The following MAGI2 variants were observed in gnomAD, a reference collection of about 807,000 sequenced individuals.
MAGI2 encodes the protein membrane associated guanylate kinase, WW and PDZ domain containing 2, also known as membrane-associated guanylate kinase, WW and PDZ domain-containing protein 2.
A neutral mutation model predicts 133.3 loss-of-function variants in MAGI2; 35 were observed. The ratio of observed to expected loss-of-function variants is 0.26; its 90% CI spans 0.20 to 0.35. The LOEUF is 0.35. MAGI2 is among the 10% of genes least tolerant of loss of function. The pLI, the probability that MAGI2 is intolerant of heterozygous loss-of-function variation, is 1.00. For missense variants in MAGI2, 1,636 were observed against 1,863.4 expected (o/e 0.88, Z 2.25); for synonymous variants, 729 against 710.6 (o/e 1.03, Z -0.41).
chr7:78,831,880 A>C (rs1400731896), intron 2 of MAGI2, among the ~76,000 whole-genome samples: 1 of 152,174 alleles, frequency 6.6e-6, no homozygotes, highest in East Asian at 1.9e-4. Context: ...GAGAGTTATA[A>C]TTTTCATGTG....
intron 3 of MAGI2, among the ~76,000 whole-genome samples, chr7:78,529,678 T>TTTTG: frequency 3.2e-5 from 2 of 63,360 alleles, no homozygotes; most frequent in Non-Finnish European, 6.4e-5. Context: ...GTTTTTTTTT[T>TTTTG]TTTTTTTTTT....
At chr7:78,341,407 C>G (rs981702130) in intron 9 of MAGI2, among the ~76,000 whole-genome samples, 1 of 152,128 alleles carries the variant, frequency 6.6e-6, no homozygotes, top group Admixed American at 6.5e-5. Context: ...AGATTTAATG[C>G]TATCCCCATC....
intron 1 of MAGI2, among the ~76,000 whole-genome samples, chr7:79,150,893 T>C (rs1335755145): frequency 6.6e-6 from 1 of 152,130 alleles, no homozygotes. Context: ...AGTTGACTAA[T>C]AAAATATCTT....
At chr7:78,200,025 A>T (rs939309501) in intron 11 of MAGI2, among the ~76,000 whole-genome samples, 3 of 152,246 alleles carry the variant, frequency 2.0e-5, no homozygotes, top group African/African-American at 7.2e-5. Context: ...ATTGGTTAAG[A>T]TAAACCAAAT....
At chr7:78,502,889 T>G (rs1043223684) in intron 4 of MAGI2, among the ~76,000 whole-genome samples, 1 of 152,116 alleles carries the variant, frequency 6.6e-6, no homozygotes, top group African/African-American at 2.4e-5. Flanking sequence ...AGAAGAAAAT[T>G]TATCTAAGAT....
intron 6 of MAGI2, among the ~76,000 whole-genome samples, chr7:78,458,570 C>A (rs73150309): frequency 0.21 from 31,434 of 151,288 alleles, 3,404 homozygotes; most frequent in Middle Eastern, 0.29. Context: ...AATTATGTTA[C>A]ATGAGTAACA....
chr7:79,062,958 T>C (rs1407750591), intron 1 of MAGI2, among the ~76,000 whole-genome samples: 2 of 152,264 alleles, frequency 1.3e-5, no homozygotes, highest in African/African-American at 4.8e-5. Context: ...ACTATTTTTT[T>C]GCTTGTTTTA....
chr7:78,578,013 G>A (rs1452782231), intron 3 of MAGI2, among the ~76,000 whole-genome samples: 7 of 147,352 alleles, frequency 4.8e-5, no homozygotes, highest in African/African-American at 1.8e-4. Flanking sequence ...ATGAAAACCA[G>A]TTATCACTGT....
At chr7:78,686,886 C>T (rs1469326854) in intron 2 of MAGI2, among the ~76,000 whole-genome samples, 1 of 152,120 alleles carries the variant, frequency 6.6e-6, no homozygotes, top group Non-Finnish European at 1.5e-5. Flanking sequence ...GAAACATTCC[C>T]CTTCAGAGGT....
chr7:78,893,910 C>A (rs1796987080), intron 2 of MAGI2, among the ~76,000 whole-genome samples: 1 of 152,048 alleles, frequency 6.6e-6, no homozygotes, highest in Non-Finnish European at 1.5e-5. Flanking sequence ...AATCACTTTT[C>A]TTAGGTAATA....
Position 78,438,551 on chromosome 7 carries a change from G to A in MAGI2, c.1045+51210C>T, listed in dbSNP as rs533706550. Among the ~76,000 whole-genome samples, 7 of 152,224 alleles carry A rather than the reference G, an allele frequency of 4.6e-5. No individual in the cohort carries two copies. In the East Asian group the frequency reaches 9.7e-4, roughly 21 times the overall value. ...TGTGTGCTGCGGTTCCTTTATGAGC[G>A]TGCTGTTTTACGGTGGAGATGCTAG... is the stretch of plus-strand genomic sequence containing the variant. On this transcript the variant is annotated intron_variant, in intron 6 of 21. Transcript: ENST00000354212.
chr7:78,449,126 T>C (rs1033352511), intron 6 of MAGI2, among the ~76,000 whole-genome samples: 1 of 152,158 alleles, frequency 6.6e-6, no homozygotes, highest in East Asian at 1.9e-4. Context: ...CCCCTTTCCA[T>C]CACTATCATT....
chr7:78,170,191 G>A (rs1825985564), intron 14 of MAGI2: 1 of 152,154 alleles, frequency 6.6e-6, no homozygotes, highest in Admixed American at 6.5e-5. Flanking sequence ...TCTAACTGAT[G>A]AAAGTAAAAC....
chr7:79,387,094 T>TTGTGTG (rs3050633), intron 1 of MAGI2, among the ~76,000 whole-genome samples: 3,521 of 141,522 alleles, frequency 0.025, 119 homozygotes, highest in East Asian at 0.086. Context: ...ATTTTTATGC[T>TTGTGTG]TGTGTGTGTG....
chr7:79,399,497 T>A (rs1845317744), intron 1 of MAGI2, among the ~76,000 whole-genome samples: 1 of 152,002 alleles, frequency 6.6e-6, no homozygotes, highest in Non-Finnish European at 1.5e-5. Flanking sequence ...GTAGAGAGCA[T>A]CTTGTGGCTA....
chr7:78,681,692 A>G (rs1815679487), intron 2 of MAGI2, among the ~76,000 whole-genome samples: 2 of 152,120 alleles, frequency 1.3e-5, no homozygotes, highest in Non-Finnish European at 2.9e-5. Flanking sequence ...AGATAACACT[A>G]CACATGTGAT....
intron 1 of MAGI2, among the ~76,000 whole-genome samples, chr7:79,438,206 A>G (rs1284285946): frequency 6.6e-6 from 1 of 152,166 alleles, no homozygotes; most frequent in African/African-American, 2.4e-5. Flanking sequence ...GAAACATGCC[A>G]TCTGCCAGGT....
chr7:78,303,378 CAAAAAAAA>C (rs11377993), intron 9 of MAGI2, among the ~76,000 whole-genome samples: 1 of 33,348 alleles, frequency 3.0e-5, no homozygotes, highest in Non-Finnish European at 5.1e-5. Context: ...AAACTGTCTC[CAAAAAAAA>C]AAAAAAAAAA....
At chr7:78,263,021 T>C (rs1793662083) in intron 9 of MAGI2, among the ~76,000 whole-genome samples, 1 of 152,150 alleles carries the variant, frequency 6.6e-6, no homozygotes. Context: ...ATCGTTGCCA[T>C]CTTTATGTCC....
Sources: gnomAD v4.1 joint callset for allele counts (sites outside exome capture counted in the v4.1 genomes callset) on GRCh38, gnomAD v4.1.1 for gene constraint, MANE v1.5 for transcripts, NCBI Gene and HGNC (gene_info 2026-07-23, HGNC 2026-07-21) for gene names.